PLD5: variants seen among roughly 807,000 people sequenced by gnomAD.
The protein encoded by PLD5 is phospholipase D family member 5.
PLD5 carries 36 observed loss-of-function variants against 61.1 expected under a neutral mutation model. That is an observed-to-expected ratio of 0.59 (90% confidence interval 0.45 to 0.78). The LOEUF (loss-of-function observed/expected upper bound fraction) is 0.78, where lower values mean the gene tolerates loss of function less well. Ranked by LOEUF, PLD5 falls within the 30% of genes least tolerant of loss-of-function variation. The pLI, the probability that PLD5 is intolerant of heterozygous loss-of-function variation, is 0.00. For missense variants in PLD5, 515 were observed against 644.4 expected (o/e 0.80, Z 2.17); for synonymous variants, 243 against 242.8 (o/e 1.00, Z -0.01).
intron 2 of PLD5, among the ~76,000 whole-genome samples, chr1:242,311,715 A>T (rs1347345041): frequency 1.3e-5 from 2 of 151,988 alleles, no homozygotes; most frequent in African/African-American, 4.8e-5. Context: ...TTTATCTCAG[A>T]TTTCTTTGAG....
At chr1:242,445,745 G>C (rs970445622) in intron 1 of PLD5, among the ~76,000 whole-genome samples, 2 of 150,490 alleles carry the variant, frequency 1.3e-5, no homozygotes, top group Non-Finnish European at 2.9e-5. Flanking sequence ...TTACAGTGAG[G>C]GGGTTTTATT....
intron 1 of PLD5, among the ~76,000 whole-genome samples, chr1:242,394,903 T>C (rs1663377129): frequency 7.4e-6 from 1 of 134,752 alleles, no homozygotes; most frequent in Non-Finnish European, 1.5e-5. Flanking sequence ...TATGATTATA[T>C]ATGAATATAT....
intron 1 of PLD5, among the ~76,000 whole-genome samples, chr1:242,360,363 G>T (rs1660999108): frequency 6.6e-6 from 1 of 151,728 alleles, no homozygotes; most frequent in Admixed American, 6.6e-5. Context: ...TTTTCTTTGT[G>T]GTGGCTTAAA....
chr1:242,437,269 A>C (rs1666040737), intron 1 of PLD5, among the ~76,000 whole-genome samples: 1 of 152,212 alleles, frequency 6.6e-6, no homozygotes, highest in South Asian at 2.1e-4. Flanking sequence ...GGCATGTCCC[A>C]CACATGCCTC....
intron 1 of PLD5, among the ~76,000 whole-genome samples, chr1:242,508,694 C>T (rs932729752): frequency 2.6e-5 from 4 of 152,092 alleles, no homozygotes; most frequent in South Asian, 2.1e-4. Context: ...AATCCTGTGA[C>T]GGTTATTCTA....
chr1:242,294,152 G>GA (rs1248608711), intron 2 of PLD5, among the ~76,000 whole-genome samples: 4 of 152,124 alleles, frequency 2.6e-5, no homozygotes, highest in Admixed American at 2.6e-4. Context: ...TCTGACACCT[G>GA]ATAACTAGGG....
At chr1:242,392,107 A>G (rs1444112830) in intron 1 of PLD5, among the ~76,000 whole-genome samples, 1 of 152,206 alleles carries the variant, frequency 6.6e-6, no homozygotes, top group African/African-American at 2.4e-5. Context: ...CCCTTTGTAG[A>G]AACATGGAAG....
intron 5 of PLD5, among the ~76,000 whole-genome samples, chr1:242,137,299 C>A (rs1298169924): frequency 1.3e-5 from 2 of 152,198 alleles, no homozygotes; most frequent in Non-Finnish European, 2.9e-5. Context: ...CCCAGTAACC[C>A]TTTATCTCTT....
chr1:242,135,937 G>T (rs899431869), intron 5 of PLD5, among the ~76,000 whole-genome samples: 1 of 152,028 alleles, frequency 6.6e-6, no homozygotes, highest in Admixed American at 6.5e-5. Context: ...ACGAAGGAAT[G>T]AATTTAGCAT....
intron 2 of PLD5, among the ~76,000 whole-genome samples, chr1:242,327,249 C>T (rs1372369002): frequency 6.6e-6 from 1 of 152,090 alleles, no homozygotes; most frequent in Non-Finnish European, 1.5e-5. Flanking sequence ...TCAAGAGAGC[C>T]TCCCACCTTA....
intron 2 of PLD5, among the ~76,000 whole-genome samples, chr1:242,327,119 C>G (rs2149196046): frequency 6.6e-6 from 1 of 152,232 alleles, no homozygotes; most frequent in South Asian, 2.1e-4. Context: ...CCTGCCTCAG[C>G]CTCCCAAAGT....
intron 4 of PLD5, among the ~76,000 whole-genome samples, chr1:242,252,619 G>A (rs61845482): frequency 0.24 from 26,759 of 112,958 alleles, 2,430 homozygotes; most frequent in South Asian, 0.33. Context: ...ATGTGGAGAC[G>A]AGGGCTTCTG....
At chr1:242,335,251 T>C (rs1659434686) in intron 2 of PLD5, among the ~76,000 whole-genome samples, 1 of 152,136 alleles carries the variant, frequency 6.6e-6, no homozygotes, top group Non-Finnish European at 1.5e-5. Flanking sequence ...ATGTTTAAAC[T>C]TATTTCATCT....
intron 2 of PLD5, among the ~76,000 whole-genome samples, chr1:242,334,280 T>G (rs185819611): frequency 7.6e-4 from 115 of 152,244 alleles, no homozygotes; most frequent in African/African-American, 2.4e-3. Flanking sequence ...GTAAGATACT[T>G]CATCTACTCT....
chr1:242,168,845 A>AATTTTTT (rs1574439363), intron 5 of PLD5, among the ~76,000 whole-genome samples: 1 of 29,248 alleles, frequency 3.4e-5, no homozygotes, highest in Non-Finnish European at 5.4e-5. Flanking sequence ...TAATTAATGA[A>AATTTTTT]GTTTTTTTTT....
chr1:242,302,997 G>A (rs1676149999), intron 2 of PLD5, among the ~76,000 whole-genome samples: 1 of 152,112 alleles, frequency 6.6e-6, no homozygotes, highest in Admixed American at 6.6e-5. Flanking sequence ...ATATTTTGAT[G>A]GAGTAGGGGA....
intron 2 of PLD5, among the ~76,000 whole-genome samples, chr1:242,338,545 TAA>T (rs1311373992): frequency 1.3e-5 from 2 of 152,178 alleles, no homozygotes; most frequent in African/African-American, 4.8e-5. Context: ...AATCATATAT[TAA>T]GTTTCATTAA....
At position 242,207,924 on chromosome 1, in the gene PLD5, ATATATATT is replaced by A. The variant is rs1277511751; in HGVS notation, c.735+12056_735+12063del. Among the ~76,000 whole-genome samples, 30 of 49,718 alleles carry A rather than the reference ATATATATT, an allele frequency of 6.0e-4. 8 individuals are homozygous for A. The highest frequency in any genetic ancestry group is 2.3e-3 in the African/African-American group (18 of 7,990). 32.6% of individuals were successfully genotyped at this position (49,718 alleles called of 152,430 possible). On this transcript the variant is annotated intron_variant, in intron 5 of 9. Transcript: ENST00000536534. The stretch of plus-strand genomic sequence containing the variant: ...TATATTTATATATATTTATATATTT[ATATATATT>A]TATATATTTATATATATTTATTTAT...
chr1:242,144,262 T>A (rs887529547), intron 5 of PLD5, among the ~76,000 whole-genome samples: 27 of 93,268 alleles, frequency 2.9e-4, no homozygotes, highest in African/African-American at 1.4e-3. Flanking sequence ...TATTTTTTTT[T>A]TAAAATATTA....
Sources: gnomAD v4.1 joint callset for allele counts (sites outside exome capture counted in the v4.1 genomes callset) on GRCh38, gnomAD v4.1.1 for gene constraint, MANE v1.5 for transcripts, NCBI Gene and HGNC (gene_info 2026-07-23, HGNC 2026-07-21) for gene names.